Variants in AGK observed in about 807,000 individuals in gnomAD.
AGK encodes the protein acylglycerol kinase, mitochondrial.
Under a neutral mutation model 66.4 loss-of-function variants are expected in AGK, and 52 were observed. The ratio of observed to expected loss-of-function variants is 0.78; its 90% CI spans 0.63 to 0.99. The LOEUF (loss-of-function observed/expected upper bound fraction) is 0.99, where lower values mean the gene tolerates loss of function less well. AGK is among the 50% of genes least tolerant of loss of function. The pLI, the probability that AGK is intolerant of heterozygous loss-of-function variation, is 0.00. For missense variants in AGK, 451 were observed against 506.6 expected (o/e 0.89, Z 1.05); for synonymous variants, 182 against 181.1 (o/e 1.00, Z -0.04).
At chr7:141,568,650 C>T (rs1208514823) in intron 2 of AGK, among the ~76,000 whole-genome samples, 1 of 151,728 alleles carries the variant, frequency 6.6e-6, no homozygotes, top group African/African-American at 2.4e-5. Context: ...TGGCTCACTG[C>T]AACCTCCACC....
Position 141,611,258 on chromosome 7 carries a change from G to A in AGK, c.361G>A (p.Val121Ile). ...ELMENTDVII[V>I]AGGDGTLQEV... ...GATGGAAAACACGGATGTGATCATT[G>A]TTGCAGGAGGAGATGGGACACTGCA... Residue 121 changes from valine (V) to isoleucine (I), a missense_variant, in exon 6 of 16, where the codon GTT becomes ATT. Physicochemically the swap from Val to Ile is conservative, Grantham distance 29. Transcript: ENST00000649286. The A allele has an allele frequency of 6.2e-7, 1 of 1,613,466 alleles. No individual in the cohort carries two copies. The highest frequency in any genetic ancestry group is 8.5e-7 in the Non-Finnish European group (1 of 1,179,628).
chr7:141,642,772 A>C (rs1562984355), intron 13 of AGK, among the ~76,000 whole-genome samples: 1 of 152,232 alleles, frequency 6.6e-6, no homozygotes, highest in Non-Finnish European at 1.5e-5. Flanking sequence ...GTTTTATTGG[A>C]GCACAGCCAT....
At chr7:141,562,819 G>A (rs939326076) in intron 2 of AGK, among the ~76,000 whole-genome samples, 2 of 152,230 alleles carry the variant, frequency 1.3e-5, no homozygotes, top group Admixed American at 6.5e-5. Flanking sequence ...CATGCTTCTC[G>A]CTGTCTGCTC....
intron 6 of AGK, 92 bp from the exon 7 acceptor site, chr7:141,614,050 GGAGT>G (rs1796654020): frequency 1.2e-6 from 1 of 864,698 alleles, no homozygotes; most frequent in Non-Finnish European, 1.8e-6. Flanking sequence ...GAAGAAAACA[GGAGT>G]AAGTTTATGG....
chr7:141,574,763 A>G (rs1795697054), intron 2 of AGK, among the ~76,000 whole-genome samples: 1 of 152,236 alleles, frequency 6.6e-6, no homozygotes, highest in African/African-American at 2.4e-5. Flanking sequence ...CACAAGTAGT[A>G]GCTTGTTCCA....
At chr7:141,650,153 T>C (rs1797520950) in intron 14 of AGK, among the ~76,000 whole-genome samples, 1 of 152,088 alleles carries the variant, frequency 6.6e-6, no homozygotes, top group Admixed American at 6.5e-5. Flanking sequence ...CCATGGCTAC[T>C]TCATTATCTA....
At chr7:141,622,385 C>T (rs151137012) in intron 9 of AGK, among the ~76,000 whole-genome samples, 6 of 152,258 alleles carry the variant, frequency 3.9e-5, no homozygotes, top group African/African-American at 9.6e-5. Context: ...ACAAATTGAA[C>T]GTCTGTGGCA....
chr7:141,624,755 T>C (rs1587141022), intron 9 of AGK, among the ~76,000 whole-genome samples: 1 of 152,314 alleles, frequency 6.6e-6, no homozygotes, highest in East Asian at 1.9e-4. Context: ...GTGAACCATG[T>C]TGAAATGACA....
chr7:141,561,810 G>A (rs1795357614), intron 2 of AGK, among the ~76,000 whole-genome samples: 1 of 151,978 alleles, frequency 6.6e-6, no homozygotes, highest in African/African-American at 2.4e-5. Context: ...GAAGGATCTG[G>A]AACTCAAGGC....
chr7:141,617,965 A>C (rs1253176730), intron 8 of AGK, among the ~76,000 whole-genome samples: 1 of 152,206 alleles, frequency 6.6e-6, no homozygotes, highest in Non-Finnish European at 1.5e-5. Flanking sequence ...CTACTTCCCA[A>C]GTAGCATCTA....
intron 13 of AGK, among the ~76,000 whole-genome samples, chr7:141,644,916 C>T (rs1455290509): frequency 6.6e-6 from 1 of 151,996 alleles, no homozygotes; most frequent in East Asian, 1.9e-4. Context: ...TGTTTCTAGT[C>T]TCTTTCTTCT....
chr7:141,567,722 G>A (rs1390071074), intron 2 of AGK, among the ~76,000 whole-genome samples: 1 of 152,182 alleles, frequency 6.6e-6, no homozygotes, highest in African/African-American at 2.4e-5. Context: ...CAGGTTGTTC[G>A]GTTTATCATG....
chr7:141,557,139 A>T (rs1486351394), intron 2 of AGK, among the ~76,000 whole-genome samples: 1 of 152,242 alleles, frequency 6.6e-6, no homozygotes, highest in African/African-American at 2.4e-5. Flanking sequence ...ATTGGAAAAG[A>T]GATTCATATT....
intron 10 of AGK, among the ~76,000 whole-genome samples, chr7:141,636,326 C>G (rs1797168534): frequency 6.6e-6 from 1 of 152,094 alleles, no homozygotes; most frequent in African/African-American, 2.4e-5. Flanking sequence ...GCTGTATCAT[C>G]CTTTACTCAT....
intron 6 of AGK, among the ~76,000 whole-genome samples, chr7:141,612,457 TG>T (rs1350835918): frequency 6.6e-6 from 1 of 152,198 alleles, no homozygotes; most frequent in African/African-American, 2.4e-5. Context: ...TATACACAAA[TG>T]TATAAGTGTT....
intron 8 of AGK, among the ~76,000 whole-genome samples, chr7:141,616,853 G>T (rs184125796): frequency 1.3e-5 from 2 of 151,304 alleles, no homozygotes; most frequent in Non-Finnish European, 2.9e-5. Flanking sequence ...CCGTCTCCCA[G>T]GTTCACGCCA....
chr7:141,560,882 C>T (rs1421363786), intron 2 of AGK, among the ~76,000 whole-genome samples: 10 of 151,456 alleles, frequency 6.6e-5, no homozygotes, highest in East Asian at 1.9e-4. Context: ...CTGCAAGCTC[C>T]GCCTCCCGGC....
intron 5 of AGK, among the ~76,000 whole-genome samples, chr7:141,603,431 G>A (rs1315591774): frequency 1.3e-5 from 2 of 151,980 alleles, no homozygotes; most frequent in African/African-American, 4.8e-5. Context: ...ATCTTATCTA[G>A]TACTATTGGT....
rs1338663813 is a variant in AGK, at chr7:141,598,260, G to A, written c.221+1619G>A. Among the ~76,000 whole-genome samples, 2 of 152,066 alleles carry A rather than the reference G, an allele frequency of 1.3e-5. No homozygotes were observed. The highest frequency in any genetic ancestry group is 4.8e-5 in the African/African-American group (2 of 41,400). The stretch of plus-strand genomic sequence containing the variant: ...AGAGCCGCTTCCCTCCCCCATAAAC[G>A]CACCAGTCATAATGCCTATTGATCA... On this transcript the variant is annotated intron_variant, in intron 4 of 15. Transcript: ENST00000649286. The surrounding 1 kb of genome is among the most constrained non-coding windows in gnomAD (Gnocchi z 4.2).
Sources: allele counts gnomAD v4.1 joint callset (sites outside exome capture counted in the v4.1 genomes callset), GRCh38; gene constraint gnomAD v4.1.1; non-coding constraint Gnocchi (gnomAD v3.1); transcripts MANE v1.5; gene names NCBI Gene and HGNC (gene_info 2026-07-23, HGNC 2026-07-21).